The following SLC43A1 variants were observed in gnomAD, a reference collection of about 807,000 sequenced individuals.
SLC43A1 encodes solute carrier family 43 member 1.
A neutral mutation model predicts 59.5 loss-of-function variants in SLC43A1; 31 were observed. The observed-to-expected ratio is 0.52, with a 90% CI of 0.39 to 0.70. SLC43A1 has a LOEUF of 0.70. Ranked by LOEUF, SLC43A1 falls within the 30% of genes least tolerant of loss-of-function variation. The probability of loss-of-function intolerance (pLI) is 0.00; values close to 1 mark genes in which losing one functional copy is unlikely to be tolerated. For synonymous variants in SLC43A1, 259 were observed against 290.9 expected, an observed-to-expected ratio of 0.89 and a Z score of 1.12; for missense variants, 598 against 717.8, an observed-to-expected ratio of 0.83 and a Z score of 1.91.
intron 13 of SLC43A1, among the ~76,000 whole-genome samples, chr11:57,488,097 C>G (rs760457954): frequency 5.3e-5 from 8 of 152,138 alleles, no homozygotes; most frequent in Non-Finnish European, 8.8e-5. Flanking sequence ...TATGTCCTGA[C>G]AGGTGACTGC....
At chr11:57,497,616 G>A in intron 6 of SLC43A1, 137 bp downstream of exon 6, 1 of 615,812 alleles carries the variant, frequency 1.6e-6, no homozygotes, top group Non-Finnish European at 2.9e-6. Context: ...AGGAGAGAGG[G>A]GGAAGGCCTG....
At chr11:57,499,829 T>A (rs796803337) in intron 5 of SLC43A1, among the ~76,000 whole-genome samples, 10 of 151,794 alleles carry the variant, frequency 6.6e-5, no homozygotes, top group African/African-American at 2.4e-4. Flanking sequence ...AGGGAGGGTC[T>A]GAGGTCAAGC....
chr11:57,508,572 G>A (rs1484018824), intron 2 of SLC43A1, among the ~76,000 whole-genome samples: 1 of 152,202 alleles, frequency 6.6e-6, no homozygotes, highest in Non-Finnish European at 1.5e-5. Context: ...GAAGGGAAGA[G>A]AGGTAGGTAG....
intron 2 of SLC43A1, among the ~76,000 whole-genome samples, chr11:57,510,858 G>A (rs2135226741): frequency 6.6e-6 from 1 of 151,980 alleles, no homozygotes; most frequent in South Asian, 2.1e-4. Flanking sequence ...CGAGCATGGT[G>A]GCGGGCGCCT....
At chr11:57,497,727 AAAAG>A (rs777149073) in intron 6 of SLC43A1, 22 bp downstream of exon 6, 1 of 1,595,404 alleles carries the variant, frequency 6.3e-7, no homozygotes, top group East Asian at 2.2e-5. Context: ...TGTCAAGACA[AAAAG>A]AAAACCCAGG....
intron 2 of SLC43A1, among the ~76,000 whole-genome samples, chr11:57,502,243 A>T (rs1454428983): frequency 1.3e-5 from 2 of 152,216 alleles, no homozygotes; most frequent in Admixed American, 6.5e-5. Context: ...CCAAGGGCAA[A>T]CTCAGGGTGC....
chr11:57,497,740 G>C lies in SLC43A1; in HGVS notation c.558+13C>G. The C allele has an allele frequency of 1.2e-6, 2 of 1,607,628 alleles. No homozygotes were observed. Among genetic ancestry groups the C allele is most frequent in the Non-Finnish European group, 1.7e-6 (2 of 1,174,822 alleles). Reference sequence around the variant, plus strand: ...TGTGTCAAGACAAAAAGAAAACCCAGGTGGCCTCATACCTTGATTCCTGGG... The same window carrying C: ...TGTGTCAAGACAAAAAGAAAACCCACGTGGCCTCATACCTTGATTCCTGGG... On this transcript the variant is annotated intron_variant, in intron 6 of 14. Coordinates refer to ENST00000278426, the MANE Select transcript of SLC43A1 (RefSeq NM_003627.6).
intron 2 of SLC43A1, among the ~76,000 whole-genome samples, chr11:57,508,631 A>G (rs6591429): frequency 0.19 from 29,263 of 152,000 alleles, 5,270 homozygotes; most frequent in African/African-American, 0.48. Context: ...AATAAGTCCT[A>G]GAAAATTAAA....
chr11:57,488,914 A>G lies in SLC43A1; in HGVS notation c.1409+2T>C. 4 of 1,612,742 alleles carry G rather than the reference A, an allele frequency of 2.5e-6. No homozygotes were observed. Among genetic ancestry groups the G allele is most frequent in the Non-Finnish European group, 3.4e-6 (4 of 1,178,732 alleles). On this transcript the variant is annotated splice_donor_variant, in intron 13 of 14. Transcript: ENST00000278426. LOFTEE classifies it high-confidence loss of function. ...GAAGGCATTTCAGCCCAACAGACTC[A>G]CACTGCAGCATAGAGACTCCCACAG... is the stretch of plus-strand genomic sequence containing the variant.
chr11:57,505,487 G>C (rs1944371817), intron 2 of SLC43A1, among the ~76,000 whole-genome samples: 1 of 151,862 alleles, frequency 6.6e-6, no homozygotes. Context: ...ACTCCAGCCT[G>C]GGCTACAGAG....
At chr11:57,511,260 T>TA in intron 2 of SLC43A1, among the ~76,000 whole-genome samples, 2 of 151,828 alleles carry the variant, frequency 1.3e-5, no homozygotes, top group East Asian at 2.0e-4. Flanking sequence ...CCAGTCTCTA[T>TA]AAAAAAATTT....
intron 8 of SLC43A1, among the ~76,000 whole-genome samples, chr11:57,492,291 T>C (rs1239711513): frequency 7.0e-6 from 1 of 142,424 alleles, no homozygotes; most frequent in Non-Finnish European, 1.5e-5. Flanking sequence ...TATAAAAATA[T>C]ATATATATGA....
At chr11:57,510,089 A>T (rs1944498722) in intron 2 of SLC43A1, among the ~76,000 whole-genome samples, 1 of 152,202 alleles carries the variant, frequency 6.6e-6, no homozygotes, top group South Asian at 2.1e-4. Context: ...GATGCTCAAC[A>T]TCATTGATCA....
At chr11:57,502,835 T>A (rs188825433) in intron 2 of SLC43A1, among the ~76,000 whole-genome samples, 2 of 148,362 alleles carry the variant, frequency 1.3e-5, no homozygotes, top group Non-Finnish European at 3.0e-5. Flanking sequence ...GATCACACCA[T>A]TGCACTCCAG....
chr11:57,494,212 C>A, intron 7 of SLC43A1, 41 bp from the exon 8 acceptor site: 1 of 1,583,718 alleles, frequency 6.3e-7, no homozygotes, highest in African/African-American at 1.4e-5. Context: ...ACCAGTCACA[C>A]AGAGCCCACC....
chr11:57,510,139 T>A (rs1293413626), intron 2 of SLC43A1, among the ~76,000 whole-genome samples: 1 of 151,922 alleles, frequency 6.6e-6, no homozygotes, highest in Non-Finnish European at 1.5e-5. Context: ...AAACTTTACA[T>A]CCACTAGGAT....
chr11:57,495,308 G>A (rs1944046579), intron 7 of SLC43A1, among the ~76,000 whole-genome samples: 1 of 151,716 alleles, frequency 6.6e-6, no homozygotes. Flanking sequence ...GGCCAACATG[G>A]TGAAACCCCG....
At chr11:57,506,215 G>A (rs540337287) in intron 2 of SLC43A1, among the ~76,000 whole-genome samples, 26 of 152,270 alleles carry the variant, frequency 1.7e-4, no homozygotes, top group East Asian at 3.9e-4. Context: ...GCATAGTGGC[G>A]CACACCTGCA....
At chr11:57,504,428 CT>C (rs1944344783) in intron 2 of SLC43A1, among the ~76,000 whole-genome samples, 1 of 152,178 alleles carries the variant, frequency 6.6e-6, no homozygotes, top group African/African-American at 2.4e-5. Flanking sequence ...ACTGTTCCTG[CT>C]CCTAAGTCTT....
Sources: gnomAD v4.1 joint callset for allele counts (sites outside exome capture counted in the v4.1 genomes callset) on GRCh38, gnomAD v4.1.1 for gene constraint, MANE v1.5 for transcripts, NCBI Gene and HGNC (gene_info 2026-07-23, HGNC 2026-07-21) for gene names.